IRF2: variants seen among roughly 807,000 people sequenced by gnomAD.
IRF2 encodes the protein interferon regulatory factor 2.
A neutral mutation model predicts 40.6 loss-of-function variants in IRF2; 15 were observed. The observed-to-expected ratio is 0.37, with a 90% CI of 0.25 to 0.57. The LOEUF is 0.57. Ranked by LOEUF, IRF2 falls within the 20% of genes least tolerant of loss-of-function variation. IRF2 has a pLI of 0.77. For missense variants in IRF2, 317 were observed against 455.7 expected (o/e 0.70, Z 2.77); for synonymous variants, 151 against 165.5 (o/e 0.91, Z 0.67).
Position 184,418,523 on chromosome 4 carries a change from T to A in IRF2, c.364+9A>T, listed in dbSNP as rs1737362647. On this transcript the variant is annotated intron_variant, in intron 4 of 8. Coordinates refer to ENST00000393593, the MANE Select transcript of IRF2 (RefSeq NM_002199.4). ...GATTTACCTTATTTTAGTCTGTAAA[T>A]GCCTTTACCTTTCTTAGAAGGCCGT... The A allele has an allele frequency of 6.2e-7, 1 of 1,612,850 alleles. No individual in the cohort carries two copies. Among genetic ancestry groups the A allele is most frequent in the African/African-American group, 1.3e-5 (1 of 75,034 alleles).
intron 7 of IRF2, among the ~76,000 whole-genome samples, chr4:184,398,518 T>C (rs1736548749): frequency 6.6e-6 from 1 of 151,874 alleles, no homozygotes; most frequent in Admixed American, 6.6e-5. Context: ...TTAGCTGGCA[T>C]GGTGGTGTGC....
intron 1 of IRF2, among the ~76,000 whole-genome samples, chr4:184,441,736 G>A (rs1282118708): frequency 6.6e-6 from 1 of 152,224 alleles, no homozygotes; most frequent in Non-Finnish European, 1.5e-5. Flanking sequence ...GCTTAGCAGT[G>A]TTAGGCAAGT....
chr4:184,449,644 G>A (rs746749705), intron 1 of IRF2, among the ~76,000 whole-genome samples: 3 of 152,220 alleles, frequency 2.0e-5, no homozygotes, highest in East Asian at 1.9e-4. Flanking sequence ...CAAAAGAAGC[G>A]TGCACCAATG....
At chr4:184,399,762 T>C (rs1345211975) in intron 6 of IRF2, among the ~76,000 whole-genome samples, 2 of 152,178 alleles carry the variant, frequency 1.3e-5, no homozygotes, top group Non-Finnish European at 2.9e-5. Flanking sequence ...GAGTCAGATC[T>C]CCAATTCTGG....
In IRF2 at chr4:184,389,017, C is replaced by T. The variant is rs2149889354; in HGVS notation, c.791G>A (p.Ser264Asn). 1 of 1,614,242 alleles carries T rather than the reference C, an allele frequency of 6.2e-7. No homozygotes were observed. The highest frequency in any genetic ancestry group is 8.5e-7 in the Non-Finnish European group (1 of 1,180,042). The change falls in exon 9 of 9, where the codon AGC (serine) becomes AAC (asparagine). Residue 264 changes from serine (S) to asparagine (N), a missense_variant. This residue lies in a region of IRF2 where 262 missense variants were observed against 334.0 expected (regional missense o/e 0.78). Transcript: ENST00000393593. The part of the protein sequence containing the change: ...KRNIEGKQYL[S>N]NMGTRGSYLL... ...GTAGGAGCCTCGAGTCCCCATGTTG[C>T]TGAGGTACTGTTTGCCTTCAATATT...
chr4:184,449,438 T>G (rs1201891413), intron 1 of IRF2, among the ~76,000 whole-genome samples: 3 of 152,204 alleles, frequency 2.0e-5, no homozygotes, highest in African/African-American at 7.2e-5. Context: ...CAAAGTCAAT[T>G]CTGTTTTGTT....
At chr4:184,410,460 G>T (rs888812279) in intron 5 of IRF2, among the ~76,000 whole-genome samples, 2 of 152,140 alleles carry the variant, frequency 1.3e-5, no homozygotes, top group African/African-American at 2.4e-5. Flanking sequence ...CTCCATGGCG[G>T]CCTGAACTGT....
intron 5 of IRF2, among the ~76,000 whole-genome samples, chr4:184,411,783 C>G (rs902777664): frequency 1.3e-5 from 2 of 151,800 alleles, no homozygotes; most frequent in African/African-American, 4.8e-5. Context: ...TCCTGCAGGC[C>G]CTGAACACTC....
chr4:184,434,263 C>T (rs935741175), intron 1 of IRF2, among the ~76,000 whole-genome samples: 1 of 152,182 alleles, frequency 6.6e-6, no homozygotes. Flanking sequence ...CATTGTGTCG[C>T]GACCTTGACT....
At chr4:184,389,417 C>G (rs1736172223) in intron 8 of IRF2, among the ~76,000 whole-genome samples, 1 of 152,036 alleles carries the variant, frequency 6.6e-6, no homozygotes, top group South Asian at 2.1e-4. Context: ...GACCTTGTCT[C>G]AAAACAACAA....
At chr4:184,409,117 C>T (rs751675181) in intron 5 of IRF2, among the ~76,000 whole-genome samples, 2 of 152,062 alleles carry the variant, frequency 1.3e-5, no homozygotes, top group Non-Finnish European at 2.9e-5. Flanking sequence ...GCTACGATAG[C>T]AATCAAGTCA....
chr4:184,415,131 C>T (rs368679294), intron 5 of IRF2, among the ~76,000 whole-genome samples: 32 of 152,276 alleles, frequency 2.1e-4, no homozygotes, highest in African/African-American at 7.5e-4. Context: ...CTCGGGAAGC[C>T]CACTGGCCTC....
At chr4:184,445,282 T>C (rs1239459454) in intron 1 of IRF2, among the ~76,000 whole-genome samples, 1 of 152,206 alleles carries the variant, frequency 6.6e-6, no homozygotes, top group Admixed American at 6.5e-5. Context: ...CTAAGTGCCA[T>C]CCTGTGCTCA....
chr4:184,404,940 T>A (rs531691478), intron 6 of IRF2, among the ~76,000 whole-genome samples: 1 of 152,274 alleles, frequency 6.6e-6, no homozygotes, highest in Admixed American at 6.5e-5. Flanking sequence ...ACAGGATGTA[T>A]CCCAGTAAAA....
In IRF2 at chr4:184,389,059, G is replaced by T; in HGVS notation, c.749C>A (p.Pro250Gln). 2.5e-6 allele frequency: 4 copies of T among 1,613,964 alleles called. No homozygotes were observed. Among genetic ancestry groups the T allele is most frequent in the Non-Finnish European group, 3.4e-6 (4 of 1,179,930 alleles). ...TTCAATATTCCTCTTCCGCCAGTGT[G>T]GCCGCCCCTTTCAAGAAAGTAATTA... ...PSDEESAEGR[P>Q]HWRKRNIEGK... The change falls in exon 9 of 9, where the codon CCA (proline) becomes CAA (glutamine). Residue 250 changes from proline (P) to glutamine (Q), a missense_variant. Physicochemically the swap from Pro to Gln is moderately conservative, Grantham distance 76. Around this residue, in one of 2 missense-constraint regions of IRF2, gnomAD observed 262 missense variants for 334.0 expected, o/e 0.78. Coordinates refer to ENST00000393593, the MANE Select transcript of IRF2 (RefSeq NM_002199.4).
intron 1 of IRF2, among the ~76,000 whole-genome samples, chr4:184,433,346 T>C (rs1737959132): frequency 6.6e-6 from 1 of 152,154 alleles, no homozygotes; most frequent in Non-Finnish European, 1.5e-5. Flanking sequence ...TTGTTCATGC[T>C]CAATGGCCTG....
chr4:184,389,752 T>A (rs953740560), intron 8 of IRF2, among the ~76,000 whole-genome samples: 1 of 152,190 alleles, frequency 6.6e-6, no homozygotes, highest in Non-Finnish European at 1.5e-5. Context: ...CAGGTCACCA[T>A]GGCCAGTGTG....
intron 2 of IRF2, among the ~76,000 whole-genome samples, chr4:184,424,657 A>G (rs756284971): frequency 6.6e-6 from 1 of 152,150 alleles, no homozygotes; most frequent in East Asian, 1.9e-4. Context: ...CAGCCCCTCA[A>G]CCTTGGACTT....
At chr4:184,466,294 G>A (rs377759612) in intron 1 of IRF2, among the ~76,000 whole-genome samples, 3 of 151,864 alleles carry the variant, frequency 2.0e-5, no homozygotes, top group Non-Finnish European at 4.4e-5. Context: ...CAGGAAATCC[G>A]CCCGCCTCGG....
Sources: allele counts gnomAD v4.1 joint callset (sites outside exome capture counted in the v4.1 genomes callset), GRCh38; gene constraint gnomAD v4.1.1; regional missense constraint gnomAD v4.1.1; transcripts MANE v1.5; gene names NCBI Gene and HGNC (gene_info 2026-07-23, HGNC 2026-07-21).